The following STK32B variants were observed in gnomAD, a reference collection of about 807,000 sequenced individuals.
STK32B encodes the protein serine/threonine-protein kinase 32B.
In STK32B, 43 loss-of-function variants were observed where a neutral mutation model predicts 52.6. The observed-to-expected ratio is 0.82, with a 90% CI of 0.64 to 1.05. The LOEUF is 1.05. Ranked by LOEUF, STK32B falls within the 50% of genes least tolerant of loss-of-function variation. The pLI, the probability that STK32B is intolerant of heterozygous loss-of-function variation, is 0.00. For missense variants in STK32B, 621 were observed against 534.6 expected, an observed-to-expected ratio of 1.16 and a Z score of -1.59; for synonymous variants, 238 against 204.3, an observed-to-expected ratio of 1.17 and a Z score of -1.41.
intron 2 of STK32B, among the ~76,000 whole-genome samples, chr4:5,148,855 TCTTC>T (rs1250261853): frequency 6.6e-6 from 1 of 151,870 alleles, no homozygotes; most frequent in Admixed American, 6.6e-5. Flanking sequence ...AATTATTTCT[TCTTC>T]CTTTAAGTCT....
chr4:5,372,658 G>C (rs1291328239), intron 4 of STK32B, among the ~76,000 whole-genome samples: 2 of 148,542 alleles, frequency 1.3e-5, no homozygotes, highest in African/African-American at 5.0e-5. Flanking sequence ...AGCTCTACCT[G>C]TATCATTACA....
At chr4:5,270,419 A>G (rs1727346919) in intron 3 of STK32B, among the ~76,000 whole-genome samples, 1 of 152,160 alleles carries the variant, frequency 6.6e-6, no homozygotes, top group African/African-American at 2.4e-5. Context: ...AGCTGATTAG[A>G]TGGCGCCCAC....
intron 11 of STK32B, among the ~76,000 whole-genome samples, chr4:5,498,034 T>G (rs1720438688): frequency 6.6e-6 from 1 of 152,056 alleles, no homozygotes; most frequent in African/African-American, 2.4e-5. Flanking sequence ...TCCTGCAAAG[T>G]GAACAATAGA....
intron 3 of STK32B, among the ~76,000 whole-genome samples, chr4:5,246,288 C>T (rs1432805372): frequency 2.0e-5 from 3 of 152,126 alleles, no homozygotes; most frequent in Admixed American, 6.5e-5. Context: ...ATTCTTTTTT[C>T]TCTAAGATTC....
chr4:5,317,234 CATAT>C (rs1164468428), intron 3 of STK32B, among the ~76,000 whole-genome samples: 1 of 34,926 alleles, frequency 2.9e-5, no homozygotes, highest in Non-Finnish European at 3.9e-5. Flanking sequence ...TTATATATAA[CATAT>C]ATATATTATA....
chr4:5,375,620 T>C (rs527296065), intron 4 of STK32B, among the ~76,000 whole-genome samples: 2 of 152,332 alleles, frequency 1.3e-5, no homozygotes, highest in Admixed American at 1.3e-4. Context: ...TTCTCCTACC[T>C]CTCTGAGGAT....
Position 5,248,222 on chromosome 4 carries a change from G to A in STK32B, c.260+79772G>A, listed in dbSNP as rs117499182. Among the ~76,000 whole-genome samples, 8 of 152,290 alleles carry A rather than the reference G, an allele frequency of 5.3e-5. No individual in the cohort carries two copies. The East Asian group carries it at 1.4e-3, about 26-fold the overall frequency. On this transcript the variant is annotated intron_variant, in intron 3 of 11. Coordinates refer to ENST00000282908, the MANE Select transcript of STK32B (RefSeq NM_018401.3). ...GTATAACACAGTTGTGAGTGGAGGAGCTGGAACTCAGAGGCCTCCAAGATC... is the reference window on the plus strand; with the variant it reads ...GTATAACACAGTTGTGAGTGGAGGAACTGGAACTCAGAGGCCTCCAAGATC...
chr4:5,317,261 C>CAT (rs1479173299), intron 3 of STK32B, among the ~76,000 whole-genome samples: 1 of 16,120 alleles, frequency 6.2e-5, no homozygotes, highest in African/African-American at 4.2e-4. Flanking sequence ...TAACATATAA[C>CAT]ATATATATAA....
At chr4:5,275,809 CT>C (rs1170412973) in intron 3 of STK32B, among the ~76,000 whole-genome samples, 2 of 152,002 alleles carry the variant, frequency 1.3e-5, no homozygotes, top group Non-Finnish European at 2.9e-5. Context: ...GCCGAGGTCA[CT>C]GGTGGGGTGA....
chr4:5,162,546 C>A (rs1718529315), intron 2 of STK32B, among the ~76,000 whole-genome samples: 1 of 152,192 alleles, frequency 6.6e-6, no homozygotes, highest in South Asian at 2.1e-4. Flanking sequence ...TACAGCAAAT[C>A]AGCTGAAATC....
At chr4:5,197,923 G>A (rs62290545) in intron 3 of STK32B, among the ~76,000 whole-genome samples, 14,886 of 151,850 alleles carry the variant, frequency 0.098, 889 homozygotes, top group Non-Finnish European at 0.13. Flanking sequence ...ATGTTTCATG[G>A]TAAAACATGT....
intron 1 of STK32B, among the ~76,000 whole-genome samples, chr4:5,105,963 G>A (rs1473201126): frequency 6.6e-6 from 1 of 151,956 alleles, no homozygotes; most frequent in Admixed American, 6.6e-5. Flanking sequence ...CAGAAGTATA[G>A]CCCTTTTGTA....
chr4:5,022,316 T>C, the STK32B span, among the ~76,000 whole-genome samples: 2 of 152,272 alleles, frequency 1.3e-5, no homozygotes, highest in East Asian at 3.9e-4. Context: ...TGGTGACTAC[T>C]CGTGTTACTC....
intron 3 of STK32B, among the ~76,000 whole-genome samples, chr4:5,248,122 A>G (rs1254899693): frequency 6.6e-6 from 1 of 152,196 alleles, no homozygotes; most frequent in Non-Finnish European, 1.5e-5. Context: ...GCAATTTGCC[A>G]TATTGCTGAG....
intron 7 of STK32B, among the ~76,000 whole-genome samples, chr4:5,448,542 T>G (rs1715682802): frequency 6.6e-6 from 1 of 152,250 alleles, no homozygotes; most frequent in Non-Finnish European, 1.5e-5. Context: ...TCATTCCTCA[T>G]GGGTCAGTGC....
At chr4:5,108,343 T>G (rs954642608) in intron 1 of STK32B, among the ~76,000 whole-genome samples, 1 of 152,202 alleles carries the variant, frequency 6.6e-6, no homozygotes, top group Admixed American at 6.5e-5. Context: ...TGCTTTTTGA[T>G]GTACCTACAG....
At chr4:5,219,852 G>A (rs1723412813) in intron 3 of STK32B, among the ~76,000 whole-genome samples, 1 of 152,160 alleles carries the variant, frequency 6.6e-6, no homozygotes, top group Non-Finnish European at 1.5e-5. Context: ...GTCACTAGCC[G>A]CTTTTTGGAG....
chr4:5,200,501 C>T (rs2108774917), intron 3 of STK32B, among the ~76,000 whole-genome samples: 1 of 152,274 alleles, frequency 6.6e-6, no homozygotes, highest in East Asian at 1.9e-4. Context: ...TCCCCTTCTC[C>T]TCCAGGTCCA....
intron 3 of STK32B, among the ~76,000 whole-genome samples, chr4:5,321,283 C>T (rs996784062): frequency 6.6e-6 from 1 of 152,172 alleles, no homozygotes; most frequent in Non-Finnish European, 1.5e-5. Flanking sequence ...AAAAAAAGCA[C>T]TTAGGACCAT....
Sources: allele counts gnomAD v4.1 joint callset (sites outside exome capture counted in the v4.1 genomes callset), GRCh38; gene constraint gnomAD v4.1.1; transcripts MANE v1.5; gene names NCBI Gene and HGNC (gene_info 2026-07-23, HGNC 2026-07-21).